CDKN2B-AS1: variants seen among roughly 807,000 people sequenced by gnomAD.
CDKN2B-AS1 encodes the protein CDKN2B and CDKN2A antisense cis and trans regulatory RNA 1, also known as CDKN2B antisense RNA 1 (non-protein coding).
At chr9:22,090,574 C>G (rs534095970) in intron 4 of CDKN2B-AS1, among the ~76,000 whole-genome samples, 80 of 152,192 alleles carry the variant, frequency 5.3e-4, no homozygotes, top group East Asian at 3.5e-3. Flanking sequence ...TTCTCTGATG[C>G]CCAGTGATGA....
intron 3 of CDKN2B-AS1, among the ~76,000 whole-genome samples, chr9:22,053,849 G>A (rs1040909472): frequency 1.3e-4 from 20 of 151,930 alleles, no homozygotes; most frequent in African/African-American, 4.8e-4. Context: ...CTAGCTAATT[G>A]TTACAGCCAT....
intron 4 of CDKN2B-AS1, among the ~76,000 whole-genome samples, chr9:22,084,335 C>G (rs1482807845): frequency 6.6e-6 from 1 of 152,166 alleles, no homozygotes; most frequent in Non-Finnish European, 1.5e-5. Context: ...TATAATCTAC[C>G]ACTATTAAAT....
At chr9:22,058,903 A>G in intron 4 of CDKN2B-AS1, 1 of 201,810 alleles carries the variant, frequency 5.0e-6, no homozygotes, top group South Asian at 1.1e-4. Flanking sequence ...AATGAGGAAG[A>G]AGCAAAAGCG....
At chr9:22,108,437 T>C (rs1204620842) in intron 4 of CDKN2B-AS1, among the ~76,000 whole-genome samples, 1 of 152,156 alleles carries the variant, frequency 6.6e-6, no homozygotes, top group African/African-American at 2.4e-5. Flanking sequence ...GGTATGGCCA[T>C]AGACAATAAA....
chr9:22,080,150 T>G (rs1190015683), intron 4 of CDKN2B-AS1, among the ~76,000 whole-genome samples: 1 of 152,210 alleles, frequency 6.6e-6, no homozygotes, highest in Non-Finnish European at 1.5e-5. Context: ...GAATCCCAGT[T>G]TGGCTGGCTC....
rs1396993947 is a variant in CDKN2B-AS1 at position 21,995,530 on chromosome 9, C to G, written n.29+369C>G. 6.5e-6 allele frequency: 1 copy of G among 152,766 alleles called. No individual in the cohort carries two copies. The highest frequency in any genetic ancestry group is 6.5e-5 in the Admixed American group (1 of 15,296). The allele number at this position is 152,766 out of a possible 1,614,324, so 9.5% of individuals were successfully genotyped here. ...CGTACGTTCTCTCTCCGGTCTCCCCCTCCATGTCCCCTCCTCCCCTTTTCT... is the reference window on the plus strand; with the variant it reads ...CGTACGTTCTCTCTCCGGTCTCCCCGTCCATGTCCCCTCCTCCCCTTTTCT... On this transcript the variant is annotated intron_variant and non_coding_transcript_variant, in intron 1 of 4. Coordinates refer to ENST00000650946, the Ensembl canonical transcript of CDKN2B-AS1. This position sits in a 1 kb window ranked among gnomAD's most constrained non-coding sequence, Gnocchi z 5.7.
chr9:22,064,279 C>A (rs547492809), intron 4 of CDKN2B-AS1, among the ~76,000 whole-genome samples: 1 of 152,208 alleles, frequency 6.6e-6, no homozygotes, highest in East Asian at 1.9e-4. Flanking sequence ...GCATGAGTAC[C>A]AAGGTGGAAG....
chr9:22,023,672 G>A lies in CDKN2B-AS1; in HGVS notation n.30-23079G>A, dbSNP rs575302768. Among the ~76,000 whole-genome samples, 16 of 152,330 alleles carry A rather than the reference G, an allele frequency of 1.1e-4. No homozygotes were observed. In the South Asian group the frequency reaches 3.3e-3, roughly 32 times the overall value. Reference sequence around the variant, plus strand: ...GCAGGAGAATTGCTTGAACCTGGGAGATGAAGGTTGCAGTGAGCTGAGATC... The same window carrying A: ...GCAGGAGAATTGCTTGAACCTGGGAAATGAAGGTTGCAGTGAGCTGAGATC... On this transcript the variant is annotated intron_variant and non_coding_transcript_variant, in intron 1 of 4. Coordinates refer to ENST00000650946, the Ensembl canonical transcript of CDKN2B-AS1.
intron 4 of CDKN2B-AS1, among the ~76,000 whole-genome samples, chr9:22,098,877 A>T (rs1049609223): frequency 6.6e-6 from 1 of 152,176 alleles, no homozygotes; most frequent in African/African-American, 2.4e-5. Flanking sequence ...CAAAGTACAC[A>T]TTCATCCAAT....
chr9:22,009,905 T>C (rs934517587), intron 1 of CDKN2B-AS1, among the ~76,000 whole-genome samples: 1 of 152,180 alleles, frequency 6.6e-6, no homozygotes, highest in Admixed American at 6.5e-5. Context: ...TTTAATTCTT[T>C]CCATTTTTGC....
At chr9:22,044,327 GATATCCTAGA>G (rs1192435736) in intron 1 of CDKN2B-AS1, among the ~76,000 whole-genome samples, 6 of 151,738 alleles carry the variant, frequency 4.0e-5, no homozygotes, top group Non-Finnish European at 7.4e-5. Flanking sequence ...ATCCTAGTAG[GATATCCTAGA>G]ATATCCTATA....
At chr9:22,100,176 G>A (rs960704735) in intron 4 of CDKN2B-AS1, among the ~76,000 whole-genome samples, 3 of 151,836 alleles carry the variant, frequency 2.0e-5, no homozygotes, top group East Asian at 1.9e-4. Flanking sequence ...TAACTTCCAC[G>A]GTATAATTTC....
intron 4 of CDKN2B-AS1, among the ~76,000 whole-genome samples, chr9:22,097,954 G>T (rs112529712): frequency 6.6e-6 from 1 of 152,152 alleles, no homozygotes; most frequent in South Asian, 2.1e-4. Context: ...ATGAGTCAAA[G>T]CTTTTACGTC....
At chr9:22,055,108 C>T (rs1204488523) in intron 3 of CDKN2B-AS1, among the ~76,000 whole-genome samples, 1 of 152,102 alleles carries the variant, frequency 6.6e-6, no homozygotes, top group Non-Finnish European at 1.5e-5. Flanking sequence ...ATGCCTCTGC[C>T]ACTTTATTTT....
rs1179112914 is a variant in CDKN2B-AS1 at position 22,091,176 on chromosome 9, A to C, written n.438+34789A>C. On this transcript the variant is annotated intron_variant and non_coding_transcript_variant, in intron 4 of 4. Coordinates refer to ENST00000650946, the Ensembl canonical transcript of CDKN2B-AS1. ...ATTTCTGAGCGCTTTGTTCTGTTCC[A>C]TTGGTCTATATCTCTGTTTTGGTAC... 2.6e-5 allele frequency among the ~76,000 whole-genome samples: 4 copies of C among 152,012 alleles called. No individual in the cohort carries two copies. In the East Asian group the frequency reaches 7.7e-4, roughly 29 times the overall value.
chr9:22,023,845 T>G (rs1822114213), intron 1 of CDKN2B-AS1, among the ~76,000 whole-genome samples: 1 of 152,230 alleles, frequency 6.6e-6, no homozygotes, highest in Non-Finnish European at 1.5e-5. Flanking sequence ...AATGCTTTAT[T>G]AGAATTTTTA....
intron 4 of CDKN2B-AS1, chr9:22,096,482 T>C (rs898517315): frequency 6.6e-6 from 1 of 152,236 alleles, no homozygotes; most frequent in Non-Finnish European, 1.5e-5. Flanking sequence ...GAAGGTGCTA[T>C]GGACACAGTG....
At chr9:22,064,275 G>C (rs1278901375) in intron 4 of CDKN2B-AS1, among the ~76,000 whole-genome samples, 1 of 152,168 alleles carries the variant, frequency 6.6e-6, no homozygotes, top group Non-Finnish European at 1.5e-5. Flanking sequence ...GATGGCATGA[G>C]TACCAAGGTG....
At chr9:22,110,346 C>T (rs1368039195) in intron 4 of CDKN2B-AS1, among the ~76,000 whole-genome samples, 2 of 152,100 alleles carry the variant, frequency 1.3e-5, no homozygotes, top group African/African-American at 4.8e-5. Context: ...GGTACTATCA[C>T]TTGGATGAGT....
Sources: allele counts gnomAD v4.1 joint callset (sites outside exome capture counted in the v4.1 genomes callset), GRCh38; gene constraint gnomAD v4.1.1; non-coding constraint Gnocchi (gnomAD v3.1); transcripts MANE v1.5; gene names NCBI Gene and HGNC (gene_info 2026-07-23, HGNC 2026-07-21).